The following HAUS6 variants were observed in gnomAD, a reference collection of about 807,000 sequenced individuals.
HAUS6 encodes HAUS augmin like complex subunit 6, also known as HAUS augmin-like complex subunit 6.
Under a neutral mutation model 106.8 loss-of-function variants are expected in HAUS6, and 80 were observed. The ratio of observed to expected loss-of-function variants is 0.75; its 90% CI spans 0.63 to 0.90. HAUS6 has a LOEUF of 0.90. Among genes scored for constraint, HAUS6 ranks in the 40% least tolerant of loss-of-function variants. HAUS6 has a pLI of 0.00. For missense variants in HAUS6, 1,155 were observed against 1,118.1 expected (o/e 1.03, Z -0.47); for synonymous variants, 356 against 379.1 (o/e 0.94, Z 0.71).
At chr9:19,102,007 G>T (rs1481166295) in intron 1 of HAUS6, among the ~76,000 whole-genome samples, 4 of 152,190 alleles carry the variant, frequency 2.6e-5, no homozygotes, top group Admixed American at 6.5e-5. Flanking sequence ...AAAAAGTAGG[G>T]AAGGGGCTTT....
intron 14 of HAUS6, among the ~76,000 whole-genome samples, chr9:19,061,690 C>T (rs890110956): frequency 6.6e-6 from 1 of 152,100 alleles, no homozygotes; most frequent in African/African-American, 2.4e-5. Context: ...AAAAACTTAG[C>T]CAGGCAAAGT....
At position 19,056,508 on chromosome 9, in the gene HAUS6, C is replaced by A. The variant is rs115504877; in HGVS notation, c.2807-104G>T. 596 of 675,542 alleles carry A rather than the reference C, an allele frequency of 8.8e-4. 3 individuals carry two copies. The African/African-American group carries it at 9.7e-3, about 11-fold the overall frequency. 41.8% of individuals were successfully genotyped at this position (675,542 alleles called of 1,614,324 possible). ...TAGTCAATACAAAAAAGGTTCATAGCTTTGCAAATACTTGATTATGATAAA... is the reference window on the plus strand; with the variant it reads ...TAGTCAATACAAAAAAGGTTCATAGATTTGCAAATACTTGATTATGATAAA... On this transcript the variant is annotated intron_variant, in intron 16 of 16. Coordinates refer to ENST00000380502, the MANE Select transcript of HAUS6 (RefSeq NM_017645.5).
At chr9:19,077,557 T>C (rs1268779236) in intron 10 of HAUS6, among the ~76,000 whole-genome samples, 2 of 151,952 alleles carry the variant, frequency 1.3e-5, no homozygotes, top group Non-Finnish European at 2.9e-5. Context: ...TAATAATTGT[T>C]TTCTTTTTCA....
intron 1 of HAUS6, 90 bp from the exon 2 acceptor site, chr9:19,096,859 T>A: frequency 1.7e-6 from 1 of 585,552 alleles, no homozygotes; most frequent in Non-Finnish European, 2.9e-6. Flanking sequence ...TGACACAAAT[T>A]AATGTTTTCA....
At chr9:19,093,643 C>T (rs1323922355) in intron 3 of HAUS6, among the ~76,000 whole-genome samples, 3 of 152,144 alleles carry the variant, frequency 2.0e-5, no homozygotes, top group East Asian at 1.9e-4. Flanking sequence ...CCGAGGCAGA[C>T]GGATCACTGG....
intron 4 of HAUS6, among the ~76,000 whole-genome samples, chr9:19,090,240 T>C (rs75210221): frequency 0.13 from 19,362 of 152,214 alleles, 1,298 homozygotes; most frequent in Admixed American, 0.17. Flanking sequence ...TTTCAGAGTG[T>C]ATCCACCTAA....
At chr9:19,069,857 A>G (rs976830355) in intron 12 of HAUS6, among the ~76,000 whole-genome samples, 2 of 152,166 alleles carry the variant, frequency 1.3e-5, no homozygotes, top group Non-Finnish European at 2.9e-5. Flanking sequence ...GCACTTTGGG[A>G]GGCCCCGGCA....
chr9:19,095,117 T>A lies in HAUS6; in HGVS notation c.225-722A>T, dbSNP rs550511065. On this transcript the variant is annotated intron_variant, in intron 2 of 16. Coordinates refer to ENST00000380502, the MANE Select transcript of HAUS6 (RefSeq NM_017645.5). ...TATATGAAGAAGAGAAAAAATGGCATACAAGATTATGACTCCTAGAGATAA... is the reference window on the plus strand; with the variant it reads ...TATATGAAGAAGAGAAAAAATGGCAAACAAGATTATGACTCCTAGAGATAA... Among the ~76,000 whole-genome samples the A allele has an allele frequency of 3.3e-5, 5 of 151,964 alleles. No individual in the cohort carries two copies. The South Asian group carries it at 1.0e-3, about 32-fold the overall frequency.
At chr9:19,089,960 G>C (rs1480519867) in intron 4 of HAUS6, among the ~76,000 whole-genome samples, 1 of 151,962 alleles carries the variant, frequency 6.6e-6, no homozygotes, top group Non-Finnish European at 1.5e-5. Flanking sequence ...AGCCTCCAGA[G>C]TAGCTGAGAC....
chr9:19,073,317 TTAAG>T (rs1202751731), intron 11 of HAUS6, among the ~76,000 whole-genome samples: 1 of 151,916 alleles, frequency 6.6e-6, no homozygotes, highest in Non-Finnish European at 1.5e-5. Context: ...TTAAAGTAAA[TTAAG>T]TAAGATGCAA....
chr9:19,081,539 A>T (rs1837150259), intron 8 of HAUS6, among the ~76,000 whole-genome samples: 1 of 151,854 alleles, frequency 6.6e-6, no homozygotes, highest in African/African-American at 2.4e-5. Context: ...CCAAGCATTC[A>T]AGCGATCCTC....
chr9:19,089,644 G>A (rs970115368), intron 4 of HAUS6, 85 bp from the exon 5 acceptor site: 16 of 976,036 alleles, frequency 1.6e-5, no homozygotes, highest in East Asian at 2.7e-5. Context: ...TGTCACTAAC[G>A]TTGGTGGTAT....
chr9:19,095,341 C>T (rs1364511168), intron 2 of HAUS6, among the ~76,000 whole-genome samples: 1 of 152,054 alleles, frequency 6.6e-6, no homozygotes, highest in African/African-American at 2.4e-5. Context: ...TCTATAACTA[C>T]ATTCAGTATT....
chr9:19,086,379 G>A, intron 7 of HAUS6, among the ~76,000 whole-genome samples: 1 of 151,996 alleles, frequency 6.6e-6, no homozygotes, highest in Non-Finnish European at 1.5e-5. Context: ...CCAGCACTTT[G>A]GGAGGCCAAG....
At chr9:19,072,508 CAAAA>C (rs200403186) in intron 11 of HAUS6, among the ~76,000 whole-genome samples, 1 of 127,096 alleles carries the variant, frequency 7.9e-6, no homozygotes. Flanking sequence ...GACTCTGTCT[CAAAA>C]AAAAAAAAAA....
intron 3 of HAUS6, 56 bp from the exon 4 acceptor site, chr9:19,093,359 T>C: frequency 7.1e-7 from 1 of 1,401,550 alleles, no homozygotes; most frequent in Non-Finnish European, 1.0e-6. Flanking sequence ...AACTCTTACA[T>C]TTACATCACA....
At chr9:19,098,688 C>T (rs1817915426) in intron 1 of HAUS6, among the ~76,000 whole-genome samples, 1 of 151,376 alleles carries the variant, frequency 6.6e-6, no homozygotes, top group Admixed American at 6.6e-5. Context: ...TGGGCAAATA[C>T]CTTGGAATGG....
At chr9:19,062,956 G>T in intron 14 of HAUS6, 52 bp downstream of exon 14, 2 of 1,328,370 alleles carry the variant, frequency 1.5e-6, no homozygotes, top group South Asian at 1.2e-5. Context: ...ATGGGCCACT[G>T]TGCCCATCCA....
At chr9:19,080,831 T>C (rs1463431280) in intron 8 of HAUS6, among the ~76,000 whole-genome samples, 159 bp from the exon 9 acceptor site, 1 of 150,636 alleles carries the variant, frequency 6.6e-6, no homozygotes, top group Admixed American at 6.6e-5. Context: ...ACTCTGGGAG[T>C]TGGGGGTGGT....
Sources: gnomAD v4.1 joint callset for allele counts (sites outside exome capture counted in the v4.1 genomes callset) on GRCh38, gnomAD v4.1.1 for gene constraint, MANE v1.5 for transcripts, NCBI Gene and HGNC (gene_info 2026-07-23, HGNC 2026-07-21) for gene names.